DMGDH: variants seen among roughly 807,000 people sequenced by gnomAD.
The protein encoded by DMGDH is dimethylglycine dehydrogenase, mitochondrial.
Under a neutral mutation model 95.2 loss-of-function variants are expected in DMGDH, and 76 were observed. The observed-to-expected ratio is 0.80, with a 90% CI of 0.66 to 0.97. The LOEUF is 0.97. Among genes scored for constraint, DMGDH ranks in the 50% least tolerant of loss-of-function variants. DMGDH has a pLI of 0.00. For synonymous variants in DMGDH, 345 were observed against 377.6 expected, an observed-to-expected ratio of 0.91 and a Z score of 1.00; for missense variants, 987 against 1,055.0, an observed-to-expected ratio of 0.94 and a Z score of 0.89.
rs763367683 is a variant in DMGDH at position 79,044,540 on chromosome 5, C to A, written c.758G>T (p.Arg253Leu). ...TAGTCCAATCATTTTACCTACTTCACGAGCCCAAAATCCTTAAACAAAAAA... is the reference window on the plus strand; with the variant it reads ...TAGTCCAATCATTTTACCTACTTCAAGAGCCCAAAATCCTTAAACAAAAAA... ...RIVNAAGFWA[R>L]EVGKMIGLEH... The change falls in exon 6 of 16, where the codon CGT (arginine) becomes CTT (leucine). Residue 253 changes from arginine to leucine, a missense_variant. By Grantham distance (102) the Arg-to-Leu change is moderately radical (BLOSUM62 -2). Coordinates refer to ENST00000255189, the MANE Select transcript of DMGDH (RefSeq NM_013391.3). 6.2e-7 allele frequency: 1 copy of A among 1,614,030 alleles called. No individual in the cohort carries two copies. The highest frequency in any genetic ancestry group is 8.5e-7 in the Non-Finnish European group (1 of 1,180,000).
chr5:79,032,332 C>T (rs983473010), intron 9 of DMGDH, among the ~76,000 whole-genome samples: 5 of 152,340 alleles, frequency 3.3e-5, no homozygotes, highest in South Asian at 2.1e-4. Context: ...TGTGGTTATA[C>T]ACGATGTGAT....
intron 5 of DMGDH, among the ~76,000 whole-genome samples, chr5:79,048,310 G>A (rs1456788534): frequency 6.6e-6 from 1 of 152,052 alleles, no homozygotes; most frequent in Non-Finnish European, 1.5e-5. Flanking sequence ...CTATGTCTCT[G>A]GGCCACAGAG....
intron 5 of DMGDH, among the ~76,000 whole-genome samples, chr5:79,050,273 A>AAAAAAAATATATATATAT (rs1554037270): frequency 2.9e-4 from 6 of 20,934 alleles, no homozygotes; most frequent in African/African-American, 9.3e-4. Flanking sequence ...AAAAAAAAAA[A>AAAAAAAATATATATATAT]ATATATATAT....
intron 14 of DMGDH, among the ~76,000 whole-genome samples, chr5:79,012,134 T>A (rs903531033): frequency 6.6e-5 from 10 of 152,272 alleles, no homozygotes; most frequent in African/African-American, 2.4e-4. Context: ...AACAAGTTAG[T>A]TACCTCTAAG....
intron 7 of DMGDH, among the ~76,000 whole-genome samples, chr5:79,037,849 A>C (rs1055936167): frequency 6.6e-6 from 1 of 152,256 alleles, no homozygotes; most frequent in Non-Finnish European, 1.5e-5. Flanking sequence ...TAAAATACTT[A>C]GGAATAAATT....
chr5:79,019,125 T>C lies in DMGDH; in HGVS notation c.2250+5146A>G, dbSNP rs891172066. On this transcript the variant is annotated intron_variant, in intron 14 of 15. Coordinates refer to ENST00000255189, the MANE Select transcript of DMGDH (RefSeq NM_013391.3). ...GAGGCATTCCATAGGATTTTAGACT[T>C]GCAAAAGTAGCCTTCTTTTACAGAT... 3.9e-5 allele frequency among the ~76,000 whole-genome samples: 6 copies of C among 152,166 alleles called. No homozygotes were observed. The East Asian group carries it at 1.2e-3, about 29-fold the overall frequency.
Position 79,024,301 on chromosome 5 carries a change from A to G in DMGDH, c.2220T>C (p.Ala740=). ...TTAACTTCACAAAATATTCCAGTCC[A>G]GCTTCCAAAGGATTTGTATCACAGT... ...EMNCDTNPLE[A]GLEYFVKLNK... The change falls in exon 14 of 16, where the codon GCT becomes GCC. Residue 740 remains alanine (A), a synonymous_variant. Transcript: ENST00000255189. 1 of 1,613,692 alleles carries G rather than the reference A, an allele frequency of 6.2e-7. No homozygotes were observed. Among genetic ancestry groups the G allele is most frequent in the Non-Finnish European group, 8.5e-7 (1 of 1,179,750 alleles).
chr5:79,007,401 T>C (rs59568758), intron 14 of DMGDH, among the ~76,000 whole-genome samples: 31,426 of 152,042 alleles, frequency 0.21, 6,250 homozygotes, highest in African/African-American at 0.51. Context: ...TTGAGTAAAC[T>C]CAGATTTTGG....
At chr5:79,050,928 T>G (rs1169341465) in intron 5 of DMGDH, among the ~76,000 whole-genome samples, 2 of 152,018 alleles carry the variant, frequency 1.3e-5, no homozygotes, top group African/African-American at 2.4e-5. Flanking sequence ...AAAAGCAAAT[T>G]GGACACAAAG....
At chr5:79,017,925 G>A (rs1356541444) in intron 14 of DMGDH, among the ~76,000 whole-genome samples, 4 of 152,168 alleles carry the variant, frequency 2.6e-5, no homozygotes, top group Non-Finnish European at 4.4e-5. Context: ...TATACCAAGA[G>A]ACTACTGGAG....
chr5:79,007,046 C>T (rs1489536017), intron 14 of DMGDH, among the ~76,000 whole-genome samples: 1 of 152,094 alleles, frequency 6.6e-6, no homozygotes, highest in Non-Finnish European at 1.5e-5. Flanking sequence ...CTGGTAAGAA[C>T]CAACTATAAA....
intron 14 of DMGDH, among the ~76,000 whole-genome samples, chr5:79,007,872 T>C (rs1212711240): frequency 2.0e-5 from 3 of 152,226 alleles, no homozygotes. Flanking sequence ...GCAGCGGGTA[T>C]TCAGAGCTTC....
At chr5:79,000,170 T>C (rs1753429686) in intron 15 of DMGDH, 2 of 588,068 alleles carry the variant, frequency 3.4e-6, no homozygotes, top group Admixed American at 3.8e-5. Context: ...GTTGTTCTTC[T>C]CCACTAGTAT....
At position 79,033,393 on chromosome 5, in the gene DMGDH, G is replaced by A. The variant is rs143266258; in HGVS notation, c.1209C>T (p.His403=). ...VAIGFGYGII[H]AGGVGKYLSD... ...TGAGATATTTCCCTACCCCACCAGC[G>A]TGGATTATGCCATATCTTTCAAATA... is the stretch of plus-strand genomic sequence containing the variant. The change falls in exon 8 of 16, where the codon CAC becomes CAT. Residue 403 remains histidine (H), a synonymous_variant. Transcript: ENST00000255189. The A allele has an allele frequency of 6.3e-5, 101 of 1,613,956 alleles. No individual in the cohort carries two copies. The highest frequency in any genetic ancestry group is 8.3e-5 in the Admixed American group (5 of 60,004).
At chr5:79,006,114 A>G (rs1342631091) in intron 14 of DMGDH, among the ~76,000 whole-genome samples, 4 of 147,242 alleles carry the variant, frequency 2.7e-5, no homozygotes, top group Non-Finnish European at 6.0e-5. Context: ...TTCCTAATAC[A>G]CTCCCATGGG....
intron 9 of DMGDH, 60 bp downstream of exon 9, chr5:79,032,627 T>C: frequency 6.2e-7 from 1 of 1,609,480 alleles, no homozygotes; most frequent in Admixed American, 1.7e-5. Context: ...CAGCGCTTTT[T>C]GCTGTCCCGT....
intron 2 of DMGDH, among the ~76,000 whole-genome samples, chr5:79,061,173 C>T (rs1286754732): frequency 1.3e-5 from 2 of 151,528 alleles, no homozygotes; most frequent in African/African-American, 2.4e-5. Context: ...GAGTCATGAT[C>T]ACGCCACTGC....
chr5:79,000,239 G>T, intron 15 of DMGDH: 1 of 632,596 alleles, frequency 1.6e-6, no homozygotes. Flanking sequence ...CCATACCAGC[G>T]TGATACCACC....
chr5:79,033,541 T>G, intron 7 of DMGDH, 133 bp from the exon 8 acceptor site: 23 of 1,084,260 alleles, frequency 2.1e-5, no homozygotes, highest in Non-Finnish European at 3.2e-5. Context: ...ACATAATCTC[T>G]ATGGAACAAT....
Sources: allele counts gnomAD v4.1 joint callset (sites outside exome capture counted in the v4.1 genomes callset), GRCh38; gene constraint gnomAD v4.1.1; transcripts MANE v1.5; gene names NCBI Gene and HGNC (gene_info 2026-07-23, HGNC 2026-07-21).